Variants in NFATC3 observed in about 807,000 individuals in gnomAD.
The protein encoded by NFATC3 is nuclear factor of activated T cells 3, also known as nuclear factor of activated T-cells, cytoplasmic 3.
Under a neutral mutation model 98.6 loss-of-function variants are expected in NFATC3, and 46 were observed. The ratio of observed to expected loss-of-function variants is 0.47; its 90% CI spans 0.37 to 0.60. NFATC3 has a LOEUF of 0.60. Ranked by LOEUF, NFATC3 falls within the 20% of genes least tolerant of loss-of-function variation. NFATC3 has a pLI of 0.00. For missense variants in NFATC3, 1,256 were observed against 1,295.5 expected (o/e 0.97, Z 0.47); for synonymous variants, 512 against 472.2 (o/e 1.08, Z -1.09).
intron 3 of NFATC3, 133 bp downstream of exon 3, chr16:68,126,743 T>C (rs770512720): frequency 1.3e-6 from 1 of 765,682 alleles, no homozygotes; most frequent in Non-Finnish European, 2.0e-6. Flanking sequence ...TTTTGGGGGC[T>C]TGTTGATGTG....
At chr16:68,174,260 C>T in intron 5 of NFATC3, 114 bp from the exon 6 acceptor site, 2 of 797,512 alleles carry the variant, frequency 2.5e-6, no homozygotes, top group Non-Finnish European at 1.8e-6. Context: ...TAAATGAATC[C>T]CAAAATTTGC....
At chr16:68,150,267 A>C (rs2038245291) in intron 3 of NFATC3, among the ~76,000 whole-genome samples, 1 of 152,246 alleles carries the variant, frequency 6.6e-6, no homozygotes, top group African/African-American at 2.4e-5. Context: ...TATTAACTTG[A>C]AATGGAGATT....
At chr16:68,099,691 C>T (rs1176804739) in intron 1 of NFATC3, among the ~76,000 whole-genome samples, 3 of 152,036 alleles carry the variant, frequency 2.0e-5, no homozygotes, top group Non-Finnish European at 4.4e-5. Flanking sequence ...TTTTCCCTCC[C>T]TCTTCCCCAA....
chr16:68,140,425 A>G (rs2037688440), intron 3 of NFATC3, among the ~76,000 whole-genome samples: 1 of 152,226 alleles, frequency 6.6e-6, no homozygotes, highest in Non-Finnish European at 1.5e-5. Context: ...GGAATCCAGA[A>G]GCCACTAGCT....
intron 1 of NFATC3, chr16:68,086,816 C>G (rs1249601593): frequency 2.0e-6 from 2 of 978,962 alleles, no homozygotes; most frequent in Non-Finnish European, 2.4e-6. Context: ...TTTTATCGGT[C>G]CTTTTAGTCT....
intron 9 of NFATC3, among the ~76,000 whole-genome samples, chr16:68,199,593 T>C (rs907632302): frequency 1.3e-5 from 2 of 149,388 alleles, no homozygotes; most frequent in Admixed American, 6.7e-5. Flanking sequence ...TTTTGGTTTG[T>C]TTTGTTTGTT....
intron 3 of NFATC3, among the ~76,000 whole-genome samples, chr16:68,148,178 G>A (rs1432695356): frequency 2.0e-5 from 3 of 152,086 alleles, no homozygotes; most frequent in South Asian, 2.1e-4. Context: ...CACCATGCCC[G>A]GCTAATTTTG....
At chr16:68,144,660 TA>T (rs1399061527) in intron 3 of NFATC3, among the ~76,000 whole-genome samples, 1 of 151,952 alleles carries the variant, frequency 6.6e-6, no homozygotes, top group Non-Finnish European at 1.5e-5. Flanking sequence ...TTCATTTTTT[TA>T]TTTTTTTTAT....
At chr16:68,095,427 A>C (rs1455833315) in intron 1 of NFATC3, among the ~76,000 whole-genome samples, 1 of 141,104 alleles carries the variant, frequency 7.1e-6, no homozygotes, top group East Asian at 2.1e-4. Context: ...ATCTCTGCTC[A>C]CTGCAACTTC....
chr16:68,217,606 T>C, intron 9 of NFATC3: 1 of 1,222,706 alleles, frequency 8.2e-7, no homozygotes, highest in East Asian at 3.2e-5. Context: ...TAAGTGAGTA[T>C]AATGGAGATC....
In NFATC3 at chr16:68,122,646, C is replaced by T; in HGVS notation, c.763C>T (p.Leu255=). 6.2e-7 allele frequency: 1 copy of T among 1,614,118 alleles called. No individual in the cohort carries two copies. The highest frequency in any genetic ancestry group is 1.1e-5 in the South Asian group (1 of 91,074). The stretch of plus-strand genomic sequence containing the variant: ...ATCCAGTGTCACTGATGAGAATTGG[C>T]TGAGCCCCAGGCCAGCCTCAGGACC... The part of the protein sequence containing the change: ...PRSSVTDENW[L]SPRPASGPSS... The change falls in exon 2 of 10, where the codon CTG becomes TTG. Residue 255 remains leucine (L), a synonymous_variant. Transcript: ENST00000346183.
intron 3 of NFATC3, among the ~76,000 whole-genome samples, chr16:68,138,344 T>TA (rs1312179404): frequency 6.6e-6 from 1 of 152,212 alleles, no homozygotes; most frequent in Non-Finnish European, 1.5e-5. Context: ...TGGCCCCTGA[T>TA]AAAAATCTTA....
intron 3 of NFATC3, among the ~76,000 whole-genome samples, chr16:68,148,578 C>G (rs2038155550): frequency 6.6e-6 from 1 of 152,044 alleles, no homozygotes; most frequent in Non-Finnish European, 1.5e-5. Context: ...TGAGAAAGAA[C>G]CAATAAGCAA....
chr16:68,145,241 C>G (rs1006128029), intron 3 of NFATC3, among the ~76,000 whole-genome samples: 4 of 151,876 alleles, frequency 2.6e-5, no homozygotes, highest in Non-Finnish European at 4.4e-5. Flanking sequence ...ACTCACAGGC[C>G]CAAGCCGTCC....
chr16:68,102,614 G>C (rs2035436056), intron 1 of NFATC3, among the ~76,000 whole-genome samples: 1 of 151,922 alleles, frequency 6.6e-6, no homozygotes. Flanking sequence ...TGTCCTTTGT[G>C]TTCTGATTTT....
intron 3 of NFATC3, among the ~76,000 whole-genome samples, chr16:68,128,559 T>G (rs1358146811): frequency 6.6e-6 from 1 of 152,022 alleles, no homozygotes; most frequent in East Asian, 1.9e-4. Flanking sequence ...AGTTTTCCTT[T>G]AATGAAAAAA....
At chr16:68,150,935 T>C (rs890624380) in intron 3 of NFATC3, among the ~76,000 whole-genome samples, 3 of 151,918 alleles carry the variant, frequency 2.0e-5, no homozygotes, top group Non-Finnish European at 4.4e-5. Context: ...CCTTCAACCA[T>C]GACTGTAAAT....
intron 9 of NFATC3, chr16:68,217,914 G>A (rs1482902940): frequency 8.2e-7 from 1 of 1,225,900 alleles, no homozygotes; most frequent in African/African-American, 1.6e-5. Context: ...CTGTAGCTGG[G>A]TGTCAGTGTG....
At chr16:68,113,826 G>T (rs2036114863) in intron 1 of NFATC3, among the ~76,000 whole-genome samples, 1 of 152,226 alleles carries the variant, frequency 6.6e-6, no homozygotes, top group African/African-American at 2.4e-5. Context: ...AAGGATCTGG[G>T]TCCCACCTAA....
Sources: allele counts gnomAD v4.1 joint callset (sites outside exome capture counted in the v4.1 genomes callset), GRCh38; gene constraint gnomAD v4.1.1; transcripts MANE v1.5; gene names NCBI Gene and HGNC (gene_info 2026-07-23, HGNC 2026-07-21).